KMT2C: variants seen among roughly 807,000 people sequenced by gnomAD.
KMT2C encodes the protein lysine methyltransferase 2C.
In KMT2C, 88 loss-of-function variants were observed where a neutral mutation model predicts 507.9. That is an observed-to-expected ratio of 0.17 (90% confidence interval 0.15 to 0.21). The LOEUF is 0.21. Among genes scored for constraint, KMT2C ranks in the 10% least tolerant of loss-of-function variants. The probability of loss-of-function intolerance (pLI) is 1.00; values close to 1 mark genes in which losing one functional copy is unlikely to be tolerated. For missense variants in KMT2C, 4,954 were observed against 5,957.8 expected (o/e 0.83, Z 5.55); for synonymous variants, 2,049 against 2,080.8 (o/e 0.98, Z 0.42).
chr7:152,364,609 C>CAAAAAAAAAAAAAAAAAAAAAA (rs568794506), intron 1 of KMT2C, among the ~76,000 whole-genome samples: 1 of 90,830 alleles, frequency 1.1e-5, no homozygotes, highest in African/African-American at 4.9e-5. Context: ...ACTCCGTCTC[C>CAAAAAAAAAAAAAAAAAAAAAA]AAAAAAAAAA....
chr7:152,305,072 T>C (rs1286091806), intron 6 of KMT2C, among the ~76,000 whole-genome samples: 1 of 152,178 alleles, frequency 6.6e-6, no homozygotes, highest in Non-Finnish European at 1.5e-5. Flanking sequence ...TAGAACTTAT[T>C]TGCTGCCTAT....
chr7:152,319,530 A>G (rs929032158), intron 3 of KMT2C, among the ~76,000 whole-genome samples: 17 of 152,084 alleles, frequency 1.1e-4, no homozygotes, highest in African/African-American at 4.1e-4. Flanking sequence ...AGTGTCAAGG[A>G]AAAACACCCA....
Position 152,148,824 on chromosome 7 carries a change from T to C in KMT2C, c.13103A>G (p.Lys4368Arg). Residue 4368 changes from lysine (K) to arginine (R), a missense_variant, in exon 52 of 59, where the codon AAG becomes AGG. Lys to Arg is a conservative substitution (Grantham distance 26). Around this residue, in one of 29 missense-constraint regions of KMT2C, gnomAD observed 417 missense variants for 461.1 expected, o/e 0.90. Transcript: ENST00000262189. The surrounding 1 kb of genome is among the most constrained non-coding windows in gnomAD (Gnocchi z 7.1). Reference sequence around the variant, plus strand: ...CTCACAAGGTGGTTTAAATGTCCCCTTAGGGATTACAATATGAATGCTCCA... The same window carrying C: ...CTCACAAGGTGGTTTAAATGTCCCCCTAGGGATTACAATATGAATGCTCCA... ...KKWSIHIVIP[K>R]GTFKPPCEDE... The C allele has an allele frequency of 6.2e-7, 1 of 1,614,236 alleles. No homozygotes were observed. Among genetic ancestry groups the C allele is most frequent in the Non-Finnish European group, 8.5e-7 (1 of 1,180,028 alleles).
rs1006615058 is a variant in KMT2C at position 152,230,224 on chromosome 7, T to C, written c.2867A>G (p.Asn956Ser). Residue 956 changes from asparagine to serine, a missense_variant, in exon 17 of 59, where the codon AAT becomes AGT. Asn to Ser is a conservative substitution (Grantham distance 46, BLOSUM62 1). Around this residue, in one of 29 missense-constraint regions of KMT2C, gnomAD observed 62 missense variants for 137.2 expected, o/e 0.45. Coordinates refer to ENST00000262189, the MANE Select transcript of KMT2C (RefSeq NM_170606.3). The stretch of plus-strand genomic sequence containing the variant: ...AGTAAATTGTCAAGTTCAAACCTGA[T>C]TCAAAGTGAACTTGTCACTGCTAGA... ...LFSSSDKFTL[N>S]QDMCVVCGSF... is the part of the protein sequence containing the mutation. 9.5e-6 allele frequency: 15 copies of C among 1,576,100 alleles called. No individual in the cohort carries two copies. Among genetic ancestry groups the C allele is most frequent in the Non-Finnish European group, 1.3e-5 (15 of 1,153,334 alleles).
chr7:152,164,450 C>T (rs1352666284), intron 42 of KMT2C, among the ~76,000 whole-genome samples: 4 of 151,810 alleles, frequency 2.6e-5, no homozygotes, highest in Admixed American at 6.6e-5. Flanking sequence ...CTACCACGCC[C>T]GGCTAATTTT....
At chr7:152,261,619 T>G (rs528381655) in intron 9 of KMT2C, among the ~76,000 whole-genome samples, 1 of 152,304 alleles carries the variant, frequency 6.6e-6, no homozygotes, top group Non-Finnish European at 1.5e-5. Context: ...GTAAGGTATA[T>G]ACATACATAA....
At chr7:152,397,120 A>T (rs1464759760) in intron 1 of KMT2C, among the ~76,000 whole-genome samples, 1 of 152,170 alleles carries the variant, frequency 6.6e-6, no homozygotes, top group Non-Finnish European at 1.5e-5. Flanking sequence ...CCACAAATCT[A>T]GAAGACAATT....
intron 1 of KMT2C, among the ~76,000 whole-genome samples, chr7:152,377,793 A>T (rs1311781061): frequency 1.3e-5 from 2 of 152,086 alleles, no homozygotes; most frequent in African/African-American, 4.8e-5. Flanking sequence ...TAAACTGAAA[A>T]CCTTCTGGAA....
chr7:152,311,239 T>C (rs945815366), intron 5 of KMT2C, among the ~76,000 whole-genome samples: 1 of 152,124 alleles, frequency 6.6e-6, no homozygotes, highest in African/African-American at 2.4e-5. Flanking sequence ...ACTTCCCTCA[T>C]CCCACAGTGA....
At chr7:152,174,628 A>C in intron 38 of KMT2C, among the ~76,000 whole-genome samples, 1 of 152,212 alleles carries the variant, frequency 6.6e-6, no homozygotes, top group Admixed American at 6.5e-5. Context: ...TAAAAGAAAA[A>C]TGCACCAATT....
intron 6 of KMT2C, among the ~76,000 whole-genome samples, chr7:152,293,912 C>G (rs2129187879): frequency 6.6e-6 from 1 of 152,178 alleles, no homozygotes; most frequent in East Asian, 1.9e-4. Context: ...GGCTGGAGTG[C>G]AGTGGTGCAA....
chr7:152,398,859 G>T (rs1470306057), intron 1 of KMT2C, among the ~76,000 whole-genome samples: 2 of 152,016 alleles, frequency 1.3e-5, no homozygotes, highest in Non-Finnish European at 2.9e-5. Flanking sequence ...CAGGGTTTCA[G>T]CTCTGTCACC....
At chr7:152,434,852 A>G (rs1057366827) in intron 1 of KMT2C, among the ~76,000 whole-genome samples, 5 of 152,126 alleles carry the variant, frequency 3.3e-5, no homozygotes, top group Admixed American at 2.6e-4. Flanking sequence ...TTACGAGGGA[A>G]GCGACATTTA....
chr7:152,217,702 T>C (rs2129144091), intron 23 of KMT2C, among the ~76,000 whole-genome samples: 1 of 152,316 alleles, frequency 6.6e-6, no homozygotes, highest in Admixed American at 6.5e-5. Flanking sequence ...GATTTTCTTT[T>C]ACCCTGATAC....
At chr7:152,421,539 G>A (rs577401658) in intron 1 of KMT2C, among the ~76,000 whole-genome samples, 16 of 152,242 alleles carry the variant, frequency 1.1e-4, no homozygotes, top group East Asian at 7.7e-4. Context: ...GTACATATAC[G>A]AGACAGAATA....
intron 3 of KMT2C, among the ~76,000 whole-genome samples, chr7:152,326,646 C>T (rs2096831008): frequency 6.6e-6 from 1 of 151,992 alleles, no homozygotes; most frequent in Admixed American, 6.6e-5. Flanking sequence ...TTTGGGAGGC[C>T]GAGATGTGCA....
At chr7:152,244,478 T>A (rs1214608901) in intron 14 of KMT2C, among the ~76,000 whole-genome samples, 2 of 151,988 alleles carry the variant, frequency 1.3e-5, no homozygotes, top group Non-Finnish European at 2.9e-5. Flanking sequence ...GGCCAGGAGT[T>A]CGTAACCAGC....
chr7:152,320,132 C>G (rs2096759477), intron 3 of KMT2C, among the ~76,000 whole-genome samples: 1 of 152,074 alleles, frequency 6.6e-6, no homozygotes, highest in African/African-American at 2.4e-5. Flanking sequence ...GGGGCTGGAC[C>G]CTACAAATTT....
chr7:152,285,127 C>T (rs1478138768), intron 6 of KMT2C, among the ~76,000 whole-genome samples: 4 of 152,304 alleles, frequency 2.6e-5, no homozygotes, highest in African/African-American at 7.2e-5. Context: ...GCTTTATATA[C>T]TGGCCAAAAA....
Sources: gnomAD v4.1 joint callset for allele counts (sites outside exome capture counted in the v4.1 genomes callset) on GRCh38, gnomAD v4.1.1 for gene constraint, gnomAD v4.1.1 regional missense constraint, Gnocchi (gnomAD v3.1) non-coding constraint, MANE v1.5 for transcripts, NCBI Gene and HGNC (gene_info 2026-07-23, HGNC 2026-07-21) for gene names.